The following TM4SF4 variants were observed in gnomAD, a reference collection of about 807,000 sequenced individuals.
TM4SF4 encodes transmembrane 4 L six family member 4, also known as transmembrane 4 L6 family member 4.
A neutral mutation model predicts 24.1 loss-of-function variants in TM4SF4; 24 were observed. That is an observed-to-expected ratio of 1.00 (90% CI 0.72 to 1.40). The LOEUF (loss-of-function observed/expected upper bound fraction) is 1.40, where lower values mean the gene tolerates loss of function less well. TM4SF4 is among the 40% of genes most tolerant of loss of function. The probability of loss-of-function intolerance (pLI) is 0.00; values close to 1 mark genes in which losing one functional copy is unlikely to be tolerated. For synonymous variants in TM4SF4, 113 were observed against 97.0 expected (o/e 1.17, Z -0.97); for missense variants, 254 against 254.2 (o/e 1.00, Z 0.01).
intron 3 of TM4SF4, among the ~76,000 whole-genome samples, chr3:149,489,391 A>C: frequency 6.6e-6 from 1 of 152,254 alleles, no homozygotes; most frequent in East Asian, 1.9e-4. Context: ...TGTTATGTGA[A>C]TAATACTACC....
At chr3:149,499,009 A>G in intron 4 of TM4SF4, 98 bp downstream of exon 4, 2 of 1,314,244 alleles carry the variant, frequency 1.5e-6, no homozygotes, top group Non-Finnish European at 2.1e-6. Flanking sequence ...CACTGAAGGA[A>G]TGAGGGGGTA....
intron 2 of TM4SF4, among the ~76,000 whole-genome samples, chr3:149,480,919 G>A (rs531449279): frequency 5.1e-4 from 77 of 152,138 alleles, no homozygotes; most frequent in African/African-American, 1.9e-3. Context: ...GCAAGAGGTT[G>A]GCGCGATCTC....
At chr3:149,482,376 A>C (rs1001021461) in intron 2 of TM4SF4, among the ~76,000 whole-genome samples, 1 of 152,008 alleles carries the variant, frequency 6.6e-6, no homozygotes, top group African/African-American at 2.4e-5. Flanking sequence ...GCAAAGGAAG[A>C]CTCCCTTATC....
At position 149,487,665 on chromosome 3, in the gene TM4SF4, G is replaced by A; in HGVS notation, c.311G>A (p.Gly104Glu). ...IFAVVGFLGA[G>E]YSFIISAISI... Reference sequence around the variant, plus strand: ...GCTGTGGTTGGATTCTTGGGAGCTGGATACTCGTTTATCATCTCAGCCATT... The same window carrying A: ...GCTGTGGTTGGATTCTTGGGAGCTGAATACTCGTTTATCATCTCAGCCATT... Residue 104 changes from glycine to glutamate, a missense_variant, in exon 3 of 5, where the codon GGA (glycine) becomes GAA (glutamate). By Grantham distance (98) the Gly-to-Glu change is moderately conservative. Transcript: ENST00000305354. 1 of 1,613,976 alleles carries A rather than the reference G, an allele frequency of 6.2e-7. No individual in the cohort carries two copies. Among genetic ancestry groups the A allele is most frequent in the Non-Finnish European group, 8.5e-7 (1 of 1,179,890 alleles).
In TM4SF4 at chr3:149,487,768, C is replaced by G; in HGVS notation, c.401+13C>G. On this transcript the variant is annotated intron_variant, in intron 3 of 4. Transcript: ENST00000305354. ...CCTTCCACGACGGGTAAGGCCACAC[C>G]CTGCAATGCCCACCTGTCACCACAA... The G allele has an allele frequency of 6.2e-7, 1 of 1,612,984 alleles. No individual in the cohort carries two copies. The highest frequency in any genetic ancestry group is 1.1e-5 in the South Asian group (1 of 91,022).
chr3:149,499,860 GTGAGACCC>G, intron 4 of TM4SF4, among the ~76,000 whole-genome samples: 1 of 152,270 alleles, frequency 6.6e-6, no homozygotes, highest in South Asian at 2.1e-4. Context: ...GTGTGACAGA[GTGAGACCC>G]TGTCTCAATA....
intron 3 of TM4SF4, among the ~76,000 whole-genome samples, chr3:149,498,246 A>G (rs1734349542): frequency 6.6e-6 from 1 of 152,232 alleles, no homozygotes; most frequent in Non-Finnish European, 1.5e-5. Flanking sequence ...GTCATCTGTC[A>G]AAAGTCAAAA....
intron 3 of TM4SF4, among the ~76,000 whole-genome samples, chr3:149,497,847 G>T (rs1328322355): frequency 6.6e-6 from 1 of 152,134 alleles, no homozygotes; most frequent in African/African-American, 2.4e-5. Flanking sequence ...GTTTTGCCAT[G>T]TTGGCCAGGC....
rs75521378 is a variant in TM4SF4, at chr3:149,474,761, A to T, written c.-117A>T. 1.3e-4 allele frequency: 146 copies of T among 1,165,018 alleles called. 2 individuals carry two copies. In the South Asian group the frequency reaches 1.9e-3, roughly 15 times the overall value. 72.2% of individuals were successfully genotyped at this position (1,165,018 alleles called of 1,614,324 possible). On this transcript the variant is annotated 5_prime_UTR_variant, in exon 1 of 5. Coordinates refer to ENST00000305354, the MANE Select transcript of TM4SF4 (RefSeq NM_004617.4). Reference sequence around the variant, plus strand: ...CAGAAATTTGGTTCTCAGCCCCAAAATACTGATTGAATTGGAGACAATTAC... The same window carrying T: ...CAGAAATTTGGTTCTCAGCCCCAAATTACTGATTGAATTGGAGACAATTAC...
intron 2 of TM4SF4, among the ~76,000 whole-genome samples, chr3:149,480,820 CTATTTT>C (rs1734021055): frequency 6.6e-6 from 1 of 151,884 alleles, no homozygotes; most frequent in Admixed American, 6.6e-5. Context: ...CCCTAAGCTC[CTATTTT>C]TATTCTACTT....
intron 3 of TM4SF4, 25 bp from the exon 4 acceptor site, chr3:149,498,697 C>T (rs940439954): frequency 6.2e-7 from 1 of 1,609,198 alleles, no homozygotes; most frequent in Non-Finnish European, 8.5e-7. Context: ...ACAAATGTTT[C>T]CTTTGTCCCC....
chr3:149,489,884 CTATT>C (rs1734182227), intron 3 of TM4SF4, among the ~76,000 whole-genome samples: 1 of 152,032 alleles, frequency 6.6e-6, no homozygotes, highest in Non-Finnish European at 1.5e-5. Flanking sequence ...TCAGAATTCT[CTATT>C]TATCTCCTGT....
At position 149,479,625 on chromosome 3, in the gene TM4SF4, C is replaced by T. The variant is rs1471173613; in HGVS notation, c.264+3713C>T. Among the ~76,000 whole-genome samples, 4 of 152,166 alleles carry T rather than the reference C, an allele frequency of 2.6e-5. No homozygotes were observed. In the South Asian group the frequency reaches 6.2e-4, roughly 24 times the overall value. On this transcript the variant is annotated intron_variant, in intron 2 of 4. Coordinates refer to ENST00000305354, the MANE Select transcript of TM4SF4 (RefSeq NM_004617.4). ...TTCTGAATTATTTTCCAAAGGCTCA[C>T]GCATTCCCCTCCAGGCCCCAGCTCC...
intron 2 of TM4SF4, among the ~76,000 whole-genome samples, chr3:149,478,025 T>A (rs901304830): frequency 6.6e-6 from 1 of 152,246 alleles, no homozygotes; most frequent in Non-Finnish European, 1.5e-5. Context: ...ATTTTTGTTT[T>A]TAGGTTTACA....
At chr3:149,478,782 C>A (rs1018298251) in intron 2 of TM4SF4, among the ~76,000 whole-genome samples, 1 of 152,114 alleles carries the variant, frequency 6.6e-6, no homozygotes. Context: ...TTTTTTGAGG[C>A]GAAGTCTCGC....
intron 2 of TM4SF4, among the ~76,000 whole-genome samples, chr3:149,476,837 A>T (rs1733940936): frequency 8.2e-6 from 1 of 121,978 alleles, no homozygotes; most frequent in Non-Finnish European, 1.6e-5. Context: ...TTTTTGAGAC[A>T]GGGTCTCACT....
chr3:149,496,173 G>GT (rs1734307157), intron 3 of TM4SF4, among the ~76,000 whole-genome samples: 2 of 148,600 alleles, frequency 1.3e-5, no homozygotes, highest in East Asian at 4.9e-4. Context: ...GACCATTTGG[G>GT]ATTTTTTTTT....
intron 3 of TM4SF4, chr3:149,496,111 C>T (rs890328813): frequency 6.3e-6 from 1 of 158,286 alleles, no homozygotes; most frequent in African/African-American, 2.4e-5. Flanking sequence ...TAGTAAAAGA[C>T]TGGTTAATGT....
chr3:149,487,676 A>G lies in TM4SF4; in HGVS notation c.322A>G (p.Ile108Val). The change falls in exon 3 of 5, where the codon ATC (isoleucine) becomes GTC (valine). Residue 108 changes from isoleucine to valine, a missense_variant. Coordinates refer to ENST00000305354, the MANE Select transcript of TM4SF4 (RefSeq NM_004617.4). Reference sequence around the variant, plus strand: ...ATTCTTGGGAGCTGGATACTCGTTTATCATCTCAGCCATTTCAATCAACAA... The same window carrying G: ...ATTCTTGGGAGCTGGATACTCGTTTGTCATCTCAGCCATTTCAATCAACAA... ...VGFLGAGYSF[I>V]ISAISINKGP... The G allele has an allele frequency of 6.2e-7, 1 of 1,613,974 alleles. No individual in the cohort carries two copies. The highest frequency in any genetic ancestry group is 8.5e-7 in the Non-Finnish European group (1 of 1,179,882).
Sources: gnomAD v4.1 joint callset for allele counts (sites outside exome capture counted in the v4.1 genomes callset) on GRCh38, gnomAD v4.1.1 for gene constraint, MANE v1.5 for transcripts, NCBI Gene and HGNC (gene_info 2026-07-23, HGNC 2026-07-21) for gene names.